The following RHOBTB1 variants were observed in gnomAD, a reference collection of about 807,000 sequenced individuals.
RHOBTB1 encodes rho-related BTB domain-containing protein 1.
RHOBTB1 carries 40 observed loss-of-function variants against 71.6 expected under a neutral mutation model. The observed-to-expected ratio is 0.56, with a 90% CI of 0.43 to 0.73. The LOEUF (loss-of-function observed/expected upper bound fraction) is 0.73. RHOBTB1 is among the 30% of genes least tolerant of loss of function. RHOBTB1 has a pLI of 0.00. For missense variants in RHOBTB1, 797 were observed against 894.0 expected (o/e 0.89, Z 1.38); for synonymous variants, 319 against 334.9 (o/e 0.95, Z 0.52).
intron 2 of RHOBTB1, among the ~76,000 whole-genome samples, chr10:60,920,895 G>A (rs187161013): frequency 6.6e-5 from 10 of 151,382 alleles, no homozygotes; most frequent in African/African-American, 1.7e-4. Context: ...GAGCTCAAGC[G>A]ATCCTCCCAC....
At chr10:60,959,557 CTGAAACAAAAA>C (rs1319487593) in intron 2 of RHOBTB1, among the ~76,000 whole-genome samples, 1 of 152,106 alleles carries the variant, frequency 6.6e-6, no homozygotes, top group Non-Finnish European at 1.5e-5. Flanking sequence ...CTGCTATTGG[CTGAAACAAAAA>C]TGAAACAAAC....
At chr10:60,989,414 G>T (rs934769175) in intron 1 of RHOBTB1, among the ~76,000 whole-genome samples, 1 of 152,182 alleles carries the variant, frequency 6.6e-6, no homozygotes, top group African/African-American at 2.4e-5. Context: ...TGTCTTCCTG[G>T]TGCCTGTCCT....
chr10:60,877,467 T>C (rs992520765), intron 8 of RHOBTB1, among the ~76,000 whole-genome samples: 1 of 152,206 alleles, frequency 6.6e-6, no homozygotes, highest in African/African-American at 2.4e-5. Context: ...GGTCAGTAAA[T>C]GGTGGAGTCA....
chr10:60,884,669 T>C (rs1589178549), intron 7 of RHOBTB1, among the ~76,000 whole-genome samples: 1 of 152,076 alleles, frequency 6.6e-6, no homozygotes, highest in African/African-American at 2.4e-5. Context: ...AAGAGGAAAA[T>C]TCTGTCATTC....
intron 5 of RHOBTB1, among the ~76,000 whole-genome samples, chr10:60,892,285 G>C (rs2081960367): frequency 1.3e-5 from 2 of 152,110 alleles, no homozygotes. Flanking sequence ...GTAACTGTTT[G>C]TTTTGCAACT....
At chr10:60,980,359 G>A (rs903253806) in intron 2 of RHOBTB1, among the ~76,000 whole-genome samples, 1 of 152,036 alleles carries the variant, frequency 6.6e-6, no homozygotes, top group Admixed American at 6.5e-5. Flanking sequence ...TTTGACTAAG[G>A]TTATGAATAT....
At chr10:60,902,651 C>T (rs540732999) in intron 4 of RHOBTB1, among the ~76,000 whole-genome samples, 2 of 152,208 alleles carry the variant, frequency 1.3e-5, no homozygotes, top group African/African-American at 4.8e-5. Context: ...TCCTTTTTCT[C>T]CTGGGGGCAG....
chr10:60,873,529 G>C (rs1431086172), intron 9 of RHOBTB1, among the ~76,000 whole-genome samples: 1 of 152,206 alleles, frequency 6.6e-6, no homozygotes, highest in Non-Finnish European at 1.5e-5. Flanking sequence ...GTGTATGGGG[G>C]TAAGGTGGGA....
At chr10:60,890,114 T>C (rs1266979530) in intron 5 of RHOBTB1, among the ~76,000 whole-genome samples, 6 of 152,216 alleles carry the variant, frequency 3.9e-5, no homozygotes, top group African/African-American at 4.8e-5. Flanking sequence ...GAGAGACCTC[T>C]ATTAAGCAAT....
intron 4 of RHOBTB1, among the ~76,000 whole-genome samples, chr10:60,908,221 G>A (rs2082780118): frequency 6.6e-6 from 1 of 152,216 alleles, no homozygotes; most frequent in African/African-American, 2.4e-5. Context: ...AAGAATGTTT[G>A]AGGGGCAACT....
At chr10:60,957,986 C>T (rs962373953) in intron 2 of RHOBTB1, among the ~76,000 whole-genome samples, 2 of 152,190 alleles carry the variant, frequency 1.3e-5, no homozygotes, top group Non-Finnish European at 2.9e-5. Flanking sequence ...GAATGACTTA[C>T]TGTGAGCAGA....
chr10:60,881,386 T>A (rs1032964249), intron 7 of RHOBTB1, among the ~76,000 whole-genome samples: 11 of 152,210 alleles, frequency 7.2e-5, no homozygotes, highest in African/African-American at 2.7e-4. Context: ...AGTGAAAGTA[T>A]CCACATTTTA....
intron 2 of RHOBTB1, among the ~76,000 whole-genome samples, chr10:60,956,727 G>C (rs936896817): frequency 6.6e-6 from 1 of 151,710 alleles, no homozygotes; most frequent in African/African-American, 2.4e-5. Context: ...ACAGGGTCAG[G>C]ATCATCAATA....
intron 2 of RHOBTB1, among the ~76,000 whole-genome samples, chr10:60,929,087 G>C (rs571469872): frequency 2.6e-5 from 4 of 152,230 alleles, no homozygotes; most frequent in Admixed American, 2.0e-4. Context: ...TCCAATATGA[G>C]AATAGCAAGG....
chr10:60,889,147 C>G lies in RHOBTB1; in HGVS notation c.521G>C (p.Gly174Ala), dbSNP rs751585869. 13 of 1,612,872 alleles carry G rather than the reference C, an allele frequency of 8.1e-6. No individual in the cohort carries two copies. In the South Asian group the frequency reaches 1.4e-4, roughly 18 times the overall value. ...GCCAAGTTCCTTTGCTACCTCTCGG[C>G]CTTTTTCTGGGGGCAAAATATCCCC... ...KRGDILPPEK[G>A]REVAKELGLP... is the part of the protein sequence containing the mutation. The change falls in exon 6 of 11, where the codon GGC (glycine) becomes GCC (alanine). Residue 174 changes from glycine to alanine, a missense_variant. Gly to Ala is a moderately conservative substitution (Grantham distance 60). Coordinates refer to ENST00000337910, the MANE Select transcript of RHOBTB1 (RefSeq NM_014836.5).
chr10:60,862,729 A>G, the RHOBTB1 span, among the ~76,000 whole-genome samples: 13 of 76,132 alleles, frequency 1.7e-4, no homozygotes, highest in African/African-American at 7.4e-4. Context: ...TTTCTTTCCT[A>G]TTTCTCTCTC....
chr10:60,981,111 A>AT (rs1404266158), intron 2 of RHOBTB1, among the ~76,000 whole-genome samples: 1 of 152,036 alleles, frequency 6.6e-6, no homozygotes, highest in Non-Finnish European at 1.5e-5. Flanking sequence ...TCAGAAATGA[A>AT]TTTTTTTGAA....
intron 2 of RHOBTB1, among the ~76,000 whole-genome samples, chr10:60,930,598 G>T (rs2084186801): frequency 6.6e-6 from 1 of 152,174 alleles, no homozygotes; most frequent in Non-Finnish European, 1.5e-5. Context: ...ATAGCAGAAA[G>T]AAACACAAAC....
chr10:60,982,242 T>C (rs1196362563), intron 2 of RHOBTB1, among the ~76,000 whole-genome samples: 2 of 152,188 alleles, frequency 1.3e-5, no homozygotes, highest in Admixed American at 6.5e-5. Context: ...AAGGCACCTA[T>C]ATATTGGCCA....
Sources: allele counts gnomAD v4.1 joint callset (sites outside exome capture counted in the v4.1 genomes callset), GRCh38; gene constraint gnomAD v4.1.1; transcripts MANE v1.5; gene names NCBI Gene and HGNC (gene_info 2026-07-23, HGNC 2026-07-21).